The following MCEE variants were observed in gnomAD, a reference collection of about 807,000 sequenced individuals.
The protein encoded by MCEE is methylmalonyl-CoA epimerase, mitochondrial.
MCEE carries 6 observed loss-of-function variants against 12.9 expected under a neutral mutation model. That is an observed-to-expected ratio of 0.47 (90% CI 0.26 to 0.92). The LOEUF (loss-of-function observed/expected upper bound fraction) is 0.92. Ranked by LOEUF, MCEE falls within the 40% of genes least tolerant of loss-of-function variation. The probability of loss-of-function intolerance (pLI) is 0.16; values close to 1 mark genes in which losing one functional copy is unlikely to be tolerated. For synonymous variants in MCEE, 78 were observed against 77.9 expected (o/e 1.00, Z -0.01); for missense variants, 214 against 212.1 (o/e 1.01, Z -0.05).
At chr2:71,126,568 CAAAAAAAAAAAAA>C (rs70959207) in intron 1 of MCEE, among the ~76,000 whole-genome samples, 2 of 72,154 alleles carry the variant, frequency 2.8e-5, no homozygotes, top group Admixed American at 3.7e-4. Flanking sequence ...TACATTTTAC[CAAAAAAAAAAAAA>C]AAAAAAAAAA....
At chr2:71,120,323 G>T (rs1256947369) in intron 2 of MCEE, among the ~76,000 whole-genome samples, 1 of 150,096 alleles carries the variant, frequency 6.7e-6, no homozygotes, top group African/African-American at 2.5e-5. Context: ...GCACGCAGAA[G>T]GCAGGGAAGG....
At chr2:71,125,207 ATATATT>A (rs1334400202) in intron 1 of MCEE, among the ~76,000 whole-genome samples, 2 of 46,602 alleles carry the variant, frequency 4.3e-5, no homozygotes, top group East Asian at 3.3e-4. Context: ...ATATATATAT[ATATATT>A]TTTTTTTTTT....
chr2:71,117,330 G>A (rs1231314978), intron 2 of MCEE, among the ~76,000 whole-genome samples: 1 of 150,512 alleles, frequency 6.6e-6, no homozygotes, highest in East Asian at 1.9e-4. Context: ...ATAGTCTAGT[G>A]GGGGCTATGT....
In MCEE at chr2:71,119,249, G is replaced by C. The variant is rs537054195; in HGVS notation, c.378+4957C>G. ...CGAACATCACCACACCTGGATGGTG[G>C]CGCCTACTACACACCTAGGCTACAG... On this transcript the variant is annotated intron_variant, in intron 2 of 2. Coordinates refer to ENST00000244217, the MANE Select transcript of MCEE (RefSeq NM_032601.4). Among the ~76,000 whole-genome samples, 4 of 150,430 alleles carry C rather than the reference G, an allele frequency of 2.7e-5. 1 individual carries two copies. In the South Asian group the frequency reaches 8.3e-4, roughly 31 times the overall value.
At chr2:71,125,201 A>ATT (rs1280306881) in intron 1 of MCEE, among the ~76,000 whole-genome samples, 26 of 48,510 alleles carry the variant, frequency 5.4e-4, no homozygotes, top group Non-Finnish European at 9.1e-4. Context: ...ATATATATAT[A>ATT]TATATATATA....
rs1211742251 is a variant in MCEE at position 71,124,427 on chromosome 2, T to G, written c.157A>C (p.Ile53Leu). Residue 53 changes from isoleucine (I) to leucine (L), a missense_variant, in exon 2 of 3, where the codon ATA becomes CTA. Coordinates refer to ENST00000244217, the MANE Select transcript of MCEE (RefSeq NM_032601.4). ...GCCTTTTCCAAATCTGGCACTGCTA[T>G]GGCTACATGGTTGAGTCGACCCAGG... Reference protein sequence around the residue: ...WNLGRLNHVAIAVPDLEKAAA... With the variant: ...WNLGRLNHVALAVPDLEKAAA... 1 of 1,614,184 alleles carries G rather than the reference T, an allele frequency of 6.2e-7. No individual in the cohort carries two copies. Among genetic ancestry groups the G allele is most frequent in the South Asian group, 1.1e-5 (1 of 91,078 alleles).
rs1209846946 is a variant in MCEE at position 71,117,490 on chromosome 2, C to T, written c.378+6716G>A. The T allele has an allele frequency of 4.0e-5, 6 of 150,480 alleles. No individual in the cohort carries two copies. In the East Asian group the frequency reaches 1.2e-3, roughly 29 times the overall value. 9.3% of individuals were successfully genotyped at this position (150,480 alleles called of 1,614,324 possible). ...TTTCCTTTCTTGATTGAAGAACAAA[C>T]ATTACCCAGTATGTAGGAAATGAGT... On this transcript the variant is annotated intron_variant, in intron 2 of 2. Coordinates refer to ENST00000244217, the MANE Select transcript of MCEE (RefSeq NM_032601.4).
chr2:71,122,729 C>G (rs1240013022), intron 2 of MCEE, among the ~76,000 whole-genome samples: 1 of 152,190 alleles, frequency 6.6e-6, no homozygotes, highest in Non-Finnish European at 1.5e-5. Flanking sequence ...TGTGGGAATT[C>G]AAGATGAGAT....
rs190441556 is a variant in MCEE, at chr2:71,125,752, A to T, written c.41-1209T>A. Among the ~76,000 whole-genome samples, 210 of 152,326 alleles carry T rather than the reference A, an allele frequency of 1.4e-3. 2 individuals are homozygous for T. The highest frequency in any genetic ancestry group is 4.7e-3 in the African/African-American group (195 of 41,578). On this transcript the variant is annotated intron_variant, in intron 1 of 2. Coordinates refer to ENST00000244217, the MANE Select transcript of MCEE (RefSeq NM_032601.4). ...ATTTAGCAAACAGTCATTGCATGTC[A>T]TTAACAACAAGAATGGCCTGAATTT...
intron 2 of MCEE, chr2:71,117,389 G>C (rs999983738): frequency 6.6e-6 from 1 of 150,448 alleles, no homozygotes; most frequent in Non-Finnish European, 1.5e-5. Flanking sequence ...ACAGTGGATA[G>C]TAAAATATTT....
intron 2 of MCEE, among the ~76,000 whole-genome samples, chr2:71,112,665 A>C (rs1672911963): frequency 6.7e-6 from 1 of 149,602 alleles, no homozygotes; most frequent in Non-Finnish European, 1.5e-5. Flanking sequence ...CGAACTCCTG[A>C]ACTCAAGTGA....
chr2:71,128,784 T>C (rs1379652708), intron 1 of MCEE, among the ~76,000 whole-genome samples: 3 of 151,064 alleles, frequency 2.0e-5, no homozygotes, highest in African/African-American at 7.3e-5. Context: ...AGGCCAGGAG[T>C]TCCAAACCAG....
At chr2:71,116,167 G>A (rs1672988668) in intron 2 of MCEE, among the ~76,000 whole-genome samples, 1 of 149,588 alleles carries the variant, frequency 6.7e-6, no homozygotes, top group Non-Finnish European at 1.5e-5. Context: ...TGCAAGCTCT[G>A]CCTCCCGGGT....
chr2:71,112,433 C>CTT (rs71400979), intron 2 of MCEE, among the ~76,000 whole-genome samples: 15,444 of 81,168 alleles, frequency 0.19, 3,407 homozygotes, highest in African/African-American at 0.31. Context: ...CTGCACCTGC[C>CTT]TTTTTTTTTT....
At chr2:71,125,211 A>ATATATATATATATATATTTTTTTTTTT in intron 1 of MCEE, among the ~76,000 whole-genome samples, 9 of 48,598 alleles carry the variant, frequency 1.9e-4, no homozygotes, top group Non-Finnish European at 3.1e-4. Flanking sequence ...ATATATATAT[A>ATATATATATATATATATTTTTTTTTTT]TTTTTTTTTT....
chr2:71,122,017 C>T (rs1039442494), intron 2 of MCEE, among the ~76,000 whole-genome samples: 1 of 152,176 alleles, frequency 6.6e-6, no homozygotes, highest in Non-Finnish European at 1.5e-5. Flanking sequence ...TCTCAGTTTC[C>T]TTTCCTGTCA....
chr2:71,130,040 A>C (rs1427569802), intron 1 of MCEE, 140 bp downstream of exon 1: 2 of 845,832 alleles, frequency 2.4e-6, no homozygotes, highest in East Asian at 5.3e-5. Context: ...TGCCTAAGTG[A>C]CAGCAGCTGC....
At chr2:71,125,858 TAGTA>T (rs982330214) in intron 1 of MCEE, among the ~76,000 whole-genome samples, 6 of 152,194 alleles carry the variant, frequency 3.9e-5, no homozygotes, top group Non-Finnish European at 5.9e-5. Context: ...GTTAGAAACT[TAGTA>T]AGTTTCATTG....
chr2:71,130,075 A>C, intron 1 of MCEE, 105 bp downstream of exon 1: 2 of 1,147,610 alleles, frequency 1.7e-6, no homozygotes, highest in Non-Finnish European at 2.6e-6. Context: ...CCGGGGGAGG[A>C]CATTAGATCA....
Sources: allele counts gnomAD v4.1 joint callset (sites outside exome capture counted in the v4.1 genomes callset), GRCh38; gene constraint gnomAD v4.1.1; transcripts MANE v1.5; gene names NCBI Gene and HGNC (gene_info 2026-07-23, HGNC 2026-07-21).